The following HECTD4 variants were observed in gnomAD, a reference collection of about 807,000 sequenced individuals.
HECTD4 encodes the protein HECT domain E3 ubiquitin protein ligase 4.
HECTD4 carries 114 observed loss-of-function variants against 471.5 expected under a neutral mutation model. That is an observed-to-expected ratio of 0.24 (90% CI 0.21 to 0.28). HECTD4 has a LOEUF of 0.28. Among genes scored for constraint, HECTD4 ranks in the 10% least tolerant of loss-of-function variants. The probability of loss-of-function intolerance (pLI) is 1.00; values close to 1 mark genes in which losing one functional copy is unlikely to be tolerated. For missense variants in HECTD4, 3,866 were observed against 5,651.5 expected (o/e 0.68, Z 10.13); for synonymous variants, 2,012 against 2,256.0 (o/e 0.89, Z 3.07).
At position 112,376,920 on chromosome 12, in the gene HECTD4, C is replaced by T. The variant is rs2036791697; in HGVS notation, c.177+5032G>A. Among the ~76,000 whole-genome samples the T allele has an allele frequency of 2.0e-5, 3 of 152,208 alleles. No homozygotes were observed. In the South Asian group the frequency reaches 6.2e-4, roughly 32 times the overall value. On this transcript the variant is annotated intron_variant, in intron 1 of 75. Coordinates refer to ENST00000682272, the MANE Select transcript of HECTD4 (RefSeq NM_001388303.1). ...CTGAGGTCCGGAGTTCAAGACCAGC[C>T]TGACCAACATGGTGAAACTCATCTC...
At chr12:112,329,363 G>GTTTTTTTTTTTTTTTTTTTTT in intron 1 of HECTD4, among the ~76,000 whole-genome samples, 1 of 134,624 alleles carries the variant, frequency 7.4e-6, no homozygotes. Flanking sequence ...TTTGTTTTGG[G>GTTTTTTTTTTTTTTTTTTTTT]TTTTTTGTTT....
chr12:112,219,311 C>T (rs2033022518), intron 45 of HECTD4, 75 bp downstream of exon 45: 6 of 1,073,812 alleles, frequency 5.6e-6, no homozygotes, highest in Non-Finnish European at 8.3e-6. Context: ...TCTAAATGTC[C>T]TTAACTTGCT....
intron 8 of HECTD4, 81 bp from the exon 9 acceptor site, chr12:112,279,467 T>C: frequency 1.7e-6 from 2 of 1,211,662 alleles, no homozygotes; most frequent in South Asian, 1.6e-5. Context: ...TAGGATATAA[T>C]GAGGGAGACC....
chr12:112,250,943 A>G (rs1419825432), intron 24 of HECTD4, 28 bp downstream of exon 24: 1 of 1,586,444 alleles, frequency 6.3e-7, no homozygotes, highest in African/African-American at 1.3e-5. Context: ...TGCAGGCAAC[A>G]CTAGCTCAAT....
chr12:112,182,854 G>A (rs2031728132), intron 62 of HECTD4, among the ~76,000 whole-genome samples: 1 of 152,200 alleles, frequency 6.6e-6, no homozygotes, highest in Non-Finnish European at 1.5e-5. Context: ...ACAAACAATG[G>A]AGCCTCTTGT....
chr12:112,347,276 G>A (rs534767026), intron 1 of HECTD4, among the ~76,000 whole-genome samples: 5 of 152,254 alleles, frequency 3.3e-5, no homozygotes, highest in African/African-American at 1.2e-4. Context: ...TTCGGAGGCC[G>A]AGGTGGGTGG....
intron 7 of HECTD4, among the ~76,000 whole-genome samples, chr12:112,297,380 G>A (rs767251968): frequency 6.6e-6 from 1 of 151,682 alleles, no homozygotes; most frequent in Non-Finnish European, 1.5e-5. Flanking sequence ...GTGGATGTAG[G>A]TGCAGAAGGT....
At chr12:112,205,631 G>A (rs1418813588) in intron 52 of HECTD4, among the ~76,000 whole-genome samples, 1 of 151,034 alleles carries the variant, frequency 6.6e-6, no homozygotes, top group Non-Finnish European at 1.5e-5. Flanking sequence ...TTGCTCTGCC[G>A]CCCAGGCTGG....
Position 112,382,336 on chromosome 12 carries a change from C to T in HECTD4, c.-208G>A, listed in dbSNP as rs2036913708. ...CGGGAGACCCCGGCCCTGCCGCCGC[C>T]GCCGCCGCCGCCGCCGCCGCCGCCC... On this transcript the variant is annotated 5_prime_UTR_variant, in exon 1 of 76. Transcript: ENST00000682272. 2.6e-6 allele frequency: 1 copy of T among 385,386 alleles called. No homozygotes were observed. Among genetic ancestry groups the T allele is most frequent in the Non-Finnish European group, 4.5e-6 (1 of 224,060 alleles). The allele number at this position is 385,386 out of a possible 1,614,324, so 23.9% of individuals were successfully genotyped here.
At chr12:112,345,712 A>G (rs991641905) in intron 1 of HECTD4, among the ~76,000 whole-genome samples, 56 of 152,038 alleles carry the variant, frequency 3.7e-4, no homozygotes, top group African/African-American at 1.3e-3. Flanking sequence ...TGGCTAACAC[A>G]GTGAAACCCC....
intron 55 of HECTD4, among the ~76,000 whole-genome samples, chr12:112,196,684 G>A (rs1263430113): frequency 1.3e-5 from 2 of 151,974 alleles, no homozygotes; most frequent in Non-Finnish European, 2.9e-5. Flanking sequence ...TTGACCTCCC[G>A]GGCTCAAGCA....
At chr12:112,272,737 C>A (rs1334662552) in intron 11 of HECTD4, among the ~76,000 whole-genome samples, 1 of 152,164 alleles carries the variant, frequency 6.6e-6, no homozygotes, top group Admixed American at 6.5e-5. Flanking sequence ...CTTGCCCTAA[C>A]TGGGATCAAG....
chr12:112,193,056 C>A lies in HECTD4; in HGVS notation c.9086+5G>T. On this transcript the variant is annotated splice_donor_5th_base_variant and intron_variant, in intron 58 of 75. Coordinates refer to ENST00000682272, the MANE Select transcript of HECTD4 (RefSeq NM_001388303.1). The surrounding 1 kb of genome is among the most constrained non-coding windows in gnomAD (Gnocchi z 5.2). ...TCACCATCTTCTTGAGAACAGGCAA[C>A]TTACTCTTTGCGGAATCCAGATTGA... 1 of 1,614,018 alleles carries A rather than the reference C, an allele frequency of 6.2e-7. No individual in the cohort carries two copies. The highest frequency in any genetic ancestry group is 1.1e-5 in the South Asian group (1 of 91,086).
At chr12:112,297,884 C>T (rs987193888) in intron 7 of HECTD4, among the ~76,000 whole-genome samples, 2 of 152,202 alleles carry the variant, frequency 1.3e-5, no homozygotes, top group Non-Finnish European at 2.9e-5. Context: ...GAAGTTAAGA[C>T]AGTTGACAGA....
At chr12:112,201,604 C>T (rs980561399) in intron 54 of HECTD4, among the ~76,000 whole-genome samples, 1 of 151,834 alleles carries the variant, frequency 6.6e-6, no homozygotes, top group East Asian at 1.9e-4. Context: ...TAGTTTCATG[C>T]CATTGATTTA....
chr12:112,183,107 G>T lies in HECTD4; in HGVS notation c.10939C>A (p.Gln3647Lys). 6.2e-7 allele frequency: 1 copy of T among 1,613,592 alleles called. No homozygotes were observed. The highest frequency in any genetic ancestry group is 1.1e-5 in the South Asian group (1 of 91,070). The change falls in exon 62 of 76, where the codon CAA (glutamine) becomes AAA (lysine). Residue 3647 changes from glutamine to lysine, a missense_variant. Around this residue, in one of 16 missense-constraint regions of HECTD4, gnomAD observed 715 missense variants for 1,087.6 expected, o/e 0.66. Coordinates refer to ENST00000682272, the MANE Select transcript of HECTD4 (RefSeq NM_001388303.1). Reference protein sequence around the residue: ...SVVNQSLFDTQGSPGLEDYFN... With the variant: ...SVVNQSLFDTKGSPGLEDYFN... ...TAATCTTCTAACCCTGGGCTCCCTTGAGTATCAAAGAGACTCTGATTTACT... is the reference window on the plus strand; with the variant it reads ...TAATCTTCTAACCCTGGGCTCCCTTTAGTATCAAAGAGACTCTGATTTACT...
intron 8 of HECTD4, among the ~76,000 whole-genome samples, chr12:112,280,213 T>G (rs1465984053): frequency 1.3e-5 from 2 of 152,230 alleles, no homozygotes; most frequent in African/African-American, 4.8e-5. Flanking sequence ...TAATTTATTA[T>G]AACCCCTTAT....
intron 55 of HECTD4, among the ~76,000 whole-genome samples, chr12:112,197,725 A>C (rs1202723267): frequency 2.0e-5 from 3 of 152,274 alleles, no homozygotes; most frequent in Admixed American, 1.3e-4. Flanking sequence ...GCTAGTCAGC[A>C]GTCAACAGGT....
chr12:112,283,524 T>C (rs927687965), intron 7 of HECTD4, among the ~76,000 whole-genome samples: 23 of 152,208 alleles, frequency 1.5e-4, no homozygotes, highest in African/African-American at 5.5e-4. Context: ...TAATGTTTAA[T>C]AGGTCTATGA....
Sources: allele counts gnomAD v4.1 joint callset (sites outside exome capture counted in the v4.1 genomes callset), GRCh38; gene constraint gnomAD v4.1.1; regional missense constraint gnomAD v4.1.1; non-coding constraint Gnocchi (gnomAD v3.1); transcripts MANE v1.5; gene names NCBI Gene and HGNC (gene_info 2026-07-23, HGNC 2026-07-21).